The following TENM1 variants were observed in gnomAD, a reference collection of about 807,000 sequenced individuals.
TENM1 encodes the protein teneurin-1.
Under a neutral mutation model 174.8 loss-of-function variants are expected in TENM1, and 35 were observed. That is an observed-to-expected ratio of 0.20 (90% CI 0.15 to 0.27). TENM1 has a LOEUF of 0.27. TENM1 is among the 10% of genes least tolerant of loss of function. The probability of loss-of-function intolerance (pLI) is 1.00; values close to 1 mark genes in which losing one functional copy is unlikely to be tolerated. For missense variants in TENM1, 1,633 were observed against 2,130.1 expected, an observed-to-expected ratio of 0.77 and a Z score of 4.59; for synonymous variants, 781 against 798.7, an observed-to-expected ratio of 0.98 and a Z score of 0.37.
At chrX:124,403,388 C>T (rs768756173) in intron 27 of TENM1, among the ~76,000 whole-genome samples, 2 of 109,112 alleles carry the variant, frequency 1.8e-5, no homozygotes, top group South Asian at 4.0e-4. Flanking sequence ...GGTGTGGTGG[C>T]GGGCACCTGT....
chrX:124,850,271 A>G (rs1045526651), intron 3 of TENM1, among the ~76,000 whole-genome samples: 1 of 111,886 alleles, frequency 8.9e-6, no homozygotes, highest in Non-Finnish European at 1.9e-5. Context: ...TTAAAATAAA[A>G]ACCCAGTTCA....
the TENM1 span, among the ~76,000 whole-genome samples, chrX:124,992,684 G>A: frequency 3.6e-5 from 4 of 111,182 alleles, no homozygotes; most frequent in Non-Finnish European, 7.6e-5. Context: ...AGGAAAGAAT[G>A]CATGCTCAAA....
intron 23 of TENM1, among the ~76,000 whole-genome samples, chrX:124,444,539 A>G (rs2060945109): frequency 1.8e-5 from 2 of 112,220 alleles, no homozygotes; most frequent in South Asian, 3.7e-4. Flanking sequence ...GTAAGCTTGA[A>G]TAAAGAAGGT....
At chrX:124,679,170 A>G (rs994646549) in intron 5 of TENM1, among the ~76,000 whole-genome samples, 3 of 112,565 alleles carry the variant, frequency 2.7e-5, no homozygotes, top group East Asian at 5.6e-4. Flanking sequence ...AGTCCTGACC[A>G]TTATGGATCA....
At chrX:124,855,420 C>T (rs1420170151) in intron 3 of TENM1, among the ~76,000 whole-genome samples, 1 of 111,499 alleles carries the variant, frequency 9.0e-6, no homozygotes, top group Non-Finnish European at 1.9e-5. Flanking sequence ...GTGTGAAATT[C>T]TCCACCCACG....
intron 23 of TENM1, among the ~76,000 whole-genome samples, chrX:124,451,413 G>T (rs185448300): frequency 1.1e-3 from 128 of 111,846 alleles, no homozygotes; most frequent in Non-Finnish European, 2.1e-3. Flanking sequence ...ATAACAACAT[G>T]CTCATATATT....
intron 3 of TENM1, among the ~76,000 whole-genome samples, chrX:124,857,330 A>G (rs893654180): frequency 2.7e-5 from 3 of 111,754 alleles, no homozygotes; most frequent in African/African-American, 6.5e-5. Context: ...AGAAGGGCAA[A>G]AGTGGAAACA....
chrX:124,503,765 T>A, intron 18 of TENM1, 62 bp from the exon 22 acceptor site: 1 of 1,030,820 alleles, frequency 9.7e-7, no homozygotes, highest in Non-Finnish European at 1.3e-6. Flanking sequence ...ATGTTTATAC[T>A]AGTTGATAAT....
At chrX:124,955,341 A>G (rs1221936620) in intron 1 of TENM1, among the ~76,000 whole-genome samples, 1 of 111,609 alleles carries the variant, frequency 9.0e-6, no homozygotes, top group African/African-American at 3.3e-5. Context: ...AACTCTCCAG[A>G]TGATTTTAAT....
At chrX:124,407,880 C>T (rs1197235135) in intron 25 of TENM1, among the ~76,000 whole-genome samples, 1 of 112,201 alleles carries the variant, frequency 8.9e-6, no homozygotes, top group East Asian at 2.8e-4. Context: ...GGATTTCAGT[C>T]GAAATGGTTG....
At chrX:124,607,888 G>C (rs778049766) in intron 11 of TENM1, among the ~76,000 whole-genome samples, 1 of 111,140 alleles carries the variant, frequency 9.0e-6, no homozygotes, top group Non-Finnish European at 1.9e-5. Context: ...TCAGATTCTG[G>C]ATATATTTGA....
chrX:125,001,854 C>T, the TENM1 span, among the ~76,000 whole-genome samples: 270 of 63,813 alleles, frequency 4.2e-3, 2 homozygotes, highest in African/African-American at 0.02. Flanking sequence ...TAGATAGATA[C>T]ACACACACAC....
At chrX:124,482,010 G>A (rs948336700) in intron 21 of TENM1, 46 bp from the exon 25 acceptor site, 11 of 875,877 alleles carry the variant, frequency 1.3e-5, no homozygotes, top group African/African-American at 2.0e-5. Flanking sequence ...TTTTCAACAC[G>A]AACCCCCTGG....
chrX:124,496,334 G>T (rs2047200754), intron 20 of TENM1, among the ~76,000 whole-genome samples: 1 of 111,691 alleles, frequency 9.0e-6, no homozygotes, highest in African/African-American at 3.3e-5. Flanking sequence ...AGAAAGGGAA[G>T]AAATAAGTGA....
chrX:124,943,365 A>G (rs1312232412), intron 1 of TENM1, among the ~76,000 whole-genome samples: 1 of 111,970 alleles, frequency 8.9e-6, no homozygotes, highest in African/African-American at 3.2e-5. Flanking sequence ...TGAACTTTCA[A>G]TTCAACCATA....
At chrX:124,517,465 T>C (rs6649250) in intron 18 of TENM1, among the ~76,000 whole-genome samples, 5,020 of 108,889 alleles carry the variant, frequency 0.046, 298 homozygotes, top group African/African-American at 0.16. Context: ...ACATACACCA[T>C]GGAATACTAT....
At chrX:125,107,417 T>C in the TENM1 span, among the ~76,000 whole-genome samples, 1 of 112,492 alleles carries the variant, frequency 8.9e-6, no homozygotes, top group Non-Finnish European at 1.9e-5. Flanking sequence ...AGCCTAAGAA[T>C]ATTTACTTGA....
intron 3 of TENM1, among the ~76,000 whole-genome samples, chrX:124,823,326 C>T (rs945008095): frequency 1.8e-5 from 2 of 111,817 alleles, no homozygotes; most frequent in African/African-American, 6.5e-5. Context: ...ATCATTTGAG[C>T]TAAAGCTGAT....
chrX:124,664,720 GTA>G (rs1170230505), intron 6 of TENM1, among the ~76,000 whole-genome samples: 57 of 94,185 alleles, frequency 6.1e-4, no homozygotes, highest in African/African-American at 2.1e-3. Flanking sequence ...GTGTGTGTGT[GTA>G]TCTTTTGCTT....
Sources: gnomAD v4.1 joint callset for allele counts (sites outside exome capture counted in the v4.1 genomes callset) on GRCh38, gnomAD v4.1.1 for gene constraint, MANE v1.5 for transcripts, NCBI Gene and HGNC (gene_info 2026-07-23, HGNC 2026-07-21) for gene names.